The following NCAM2 variants were observed in gnomAD, a reference collection of about 807,000 sequenced individuals.
NCAM2 encodes the protein N-CAM-2.
A neutral mutation model predicts 98.1 loss-of-function variants in NCAM2; 30 were observed. The observed-to-expected ratio is 0.31, with a 90% CI of 0.23 to 0.41. The LOEUF (loss-of-function observed/expected upper bound fraction) is 0.41, where lower values mean the gene tolerates loss of function less well. NCAM2 is among the 10% of genes least tolerant of loss of function. The pLI, the probability that NCAM2 is intolerant of heterozygous loss-of-function variation, is 1.00. For missense variants in NCAM2, 867 were observed against 1,005.8 expected (o/e 0.86, Z 1.87); for synonymous variants, 368 against 342.4 (o/e 1.07, Z -0.83).
intron 1 of NCAM2, among the ~76,000 whole-genome samples, chr21:21,056,527 TGA>T (rs1491442989): frequency 0.03 from 4,155 of 139,902 alleles, 87 homozygotes; most frequent in Middle Eastern, 0.051. Context: ...TGTGTGTGCA[TGA>T]GAGAGGGGGA....
chr21:21,404,599 C>T (rs558760396), intron 9 of NCAM2, among the ~76,000 whole-genome samples: 2 of 151,724 alleles, frequency 1.3e-5, no homozygotes, highest in Non-Finnish European at 2.9e-5. Context: ...AACATGAAAA[C>T]GAACTAATAC....
intron 1 of NCAM2, among the ~76,000 whole-genome samples, chr21:21,072,152 T>A (rs2065586422): frequency 6.6e-6 from 1 of 152,124 alleles, no homozygotes; most frequent in South Asian, 2.1e-4. Context: ...GACCTTGCGA[T>A]CCTCCCGTTT....
intron 1 of NCAM2, among the ~76,000 whole-genome samples, chr21:21,080,437 A>G (rs1443721639): frequency 6.6e-6 from 1 of 151,766 alleles, no homozygotes; most frequent in Non-Finnish European, 1.5e-5. Context: ...ACCAACATGG[A>G]GAAACCCCAT....
At chr21:21,159,429 G>A (rs868317514) in intron 1 of NCAM2, among the ~76,000 whole-genome samples, 2 of 152,124 alleles carry the variant, frequency 1.3e-5, no homozygotes, top group African/African-American at 4.8e-5. Context: ...ATGAGGTCAT[G>A]TCCTGCAAGC....
At chr21:21,051,300 A>T (rs1308246820) in intron 1 of NCAM2, among the ~76,000 whole-genome samples, 2 of 152,138 alleles carry the variant, frequency 1.3e-5, no homozygotes, top group Non-Finnish European at 2.9e-5. Context: ...TTTCTGTTGC[A>T]GTTTGACTTC....
chr21:21,296,207 A>C (rs764963837), intron 5 of NCAM2, among the ~76,000 whole-genome samples: 5 of 151,794 alleles, frequency 3.3e-5, no homozygotes, highest in Non-Finnish European at 5.9e-5. Flanking sequence ...TTTATTGTTT[A>C]TGGGGTAGCT....
At chr21:21,081,727 G>A (rs887359605) in intron 1 of NCAM2, among the ~76,000 whole-genome samples, 1 of 151,992 alleles carries the variant, frequency 6.6e-6, no homozygotes, top group Non-Finnish European at 1.5e-5. Flanking sequence ...CTTGAACCCA[G>A]GAGGTGGAGG....
At chr21:21,302,616 G>C (rs1436404631) in intron 5 of NCAM2, among the ~76,000 whole-genome samples, 1 of 152,080 alleles carries the variant, frequency 6.6e-6, no homozygotes, top group African/African-American at 2.4e-5. Flanking sequence ...GATGTTGAAG[G>C]CTGCAGAGAA....
At chr21:21,208,788 AT>A (rs1334179533) in intron 1 of NCAM2, among the ~76,000 whole-genome samples, 6 of 152,200 alleles carry the variant, frequency 3.9e-5, no homozygotes, top group African/African-American at 1.4e-4. Context: ...AAAACTCCCA[AT>A]ATAATTTTCC....
intron 1 of NCAM2, among the ~76,000 whole-genome samples, chr21:21,033,276 A>G (rs2064727615): frequency 6.6e-6 from 1 of 152,190 alleles, no homozygotes; most frequent in African/African-American, 2.4e-5. Context: ...CAAGACGAAC[A>G]TGTGTGCCAT....
intron 1 of NCAM2, among the ~76,000 whole-genome samples, chr21:21,115,767 A>G (rs1601408582): frequency 1.3e-5 from 2 of 152,272 alleles, no homozygotes; most frequent in East Asian, 3.9e-4. Context: ...TTTTCCTGGG[A>G]AAGTTTAATT....
intron 8 of NCAM2, among the ~76,000 whole-genome samples, chr21:21,362,204 C>G (rs926693496): frequency 6.6e-6 from 1 of 152,022 alleles, no homozygotes; most frequent in Non-Finnish European, 1.5e-5. Flanking sequence ...TGCATCCACC[C>G]TTGTGCCTGT....
intron 8 of NCAM2, among the ~76,000 whole-genome samples, chr21:21,345,025 C>T (rs1051712007): frequency 6.6e-6 from 1 of 152,276 alleles, no homozygotes; most frequent in East Asian, 1.9e-4. Context: ...CCAAGACTAT[C>T]AAGGCATTAC....
chr21:21,047,915 T>C (rs1030564228), intron 1 of NCAM2, among the ~76,000 whole-genome samples: 4 of 152,182 alleles, frequency 2.6e-5, no homozygotes, highest in South Asian at 4.1e-4. Flanking sequence ...ATGTCATAAC[T>C]TAATTTCCAA....
chr21:21,293,318 G>T (rs564199589), intron 5 of NCAM2, among the ~76,000 whole-genome samples: 143 of 150,698 alleles, frequency 9.5e-4, no homozygotes, highest in Middle Eastern at 3.4e-3. Flanking sequence ...CATACAACTT[G>T]GTTTCTCTAC....
chr21:21,408,571 G>T (rs1030345588), intron 9 of NCAM2, among the ~76,000 whole-genome samples: 38 of 152,046 alleles, frequency 2.5e-4, no homozygotes, highest in African/African-American at 8.9e-4. Flanking sequence ...GCACCAAAAT[G>T]TTTCAAACCC....
chr21:21,321,384 T>C (rs1394675947), intron 5 of NCAM2, among the ~76,000 whole-genome samples: 5 of 130,952 alleles, frequency 3.8e-5, no homozygotes, highest in Admixed American at 3.1e-4. Context: ...CTGTTGATAA[T>C]TGGTTTTGCT....
At chr21:21,195,266 C>T (rs11908850) in intron 1 of NCAM2, among the ~76,000 whole-genome samples, 42 of 152,044 alleles carry the variant, frequency 2.8e-4, no homozygotes, top group African/African-American at 7.5e-4. Context: ...AACTTAGTAA[C>T]GTAAACTATG....
At chr21:21,394,659 T>C (rs1352513200) in intron 9 of NCAM2, among the ~76,000 whole-genome samples, 1 of 151,650 alleles carries the variant, frequency 6.6e-6, no homozygotes, top group East Asian at 1.9e-4. Context: ...CGCTAATTTT[T>C]TGTATTTTTA....
Sources: allele counts gnomAD v4.1 joint callset (sites outside exome capture counted in the v4.1 genomes callset), GRCh38; gene constraint gnomAD v4.1.1; transcripts MANE v1.5; gene names NCBI Gene and HGNC (gene_info 2026-07-23, HGNC 2026-07-21).